The following CDCA5 variants were observed in gnomAD, a reference collection of about 807,000 sequenced individuals.
The protein encoded by CDCA5 is cell division cycle associated 5.
In CDCA5, 14 loss-of-function variants were observed where a neutral mutation model predicts 25.7. That is an observed-to-expected ratio of 0.54 (90% CI 0.36 to 0.85). The LOEUF is 0.85. CDCA5 is among the 40% of genes least tolerant of loss of function. The pLI is 0.01. For synonymous variants in CDCA5, 127 were observed against 128.7 expected, an observed-to-expected ratio of 0.99 and a Z score of 0.09; for missense variants, 307 against 324.5, an observed-to-expected ratio of 0.95 and a Z score of 0.41.
Position 65,070,999 on chromosome 11 carries a change from T to G in CDCA5, c.64-2398A>C, listed in dbSNP as rs113600019. Among the ~76,000 whole-genome samples, 1,443 of 150,714 alleles carry G rather than the reference T, an allele frequency of 9.6e-3. 25 individuals carry two copies. The highest frequency in any genetic ancestry group is 0.032 in the African/African-American group (1,327 of 40,930). ...CTCTGTTGCCCAGGCTGGAGTGCAG[T>G]GGTGCAATCTTGGCTCACTGCAAGC... On this transcript the variant is annotated intron_variant, in intron 1 of 6. Transcript: ENST00000525464.
In CDCA5 at chr11:65,079,041, C is replaced by A. The variant is rs779222711; in HGVS notation, c.*66G>T. On this transcript the variant is annotated 3_prime_UTR_variant, in exon 6 of 6. Transcript: ENST00000275517. ...GGGGAGGGGACCCTAAGTGTCCTCT[C>A]CACAGGGAGGTGGCTATGTACAGGA... 8.3e-5 allele frequency: 120 copies of A among 1,447,776 alleles called. No homozygotes were observed. The highest frequency in any genetic ancestry group is 1.0e-4 in the Non-Finnish European group (110 of 1,099,672). The allele number at this position is 1,447,776 out of a possible 1,614,324, so 89.7% of individuals were successfully genotyped here.
exon 6 of CDCA5, chr11:65,066,596 G>A (rs1255456034): frequency 2.3e-6 from 3 of 1,289,288 alleles, no homozygotes; most frequent in Non-Finnish European, 3.0e-6. Flanking sequence ...CCTCCTGCAG[G>A]GCCTTCACTT....
intron 4 of CDCA5, among the ~76,000 whole-genome samples, chr11:65,082,459 C>CTTTT (rs35061489): frequency 4.9e-5 from 5 of 103,060 alleles, no homozygotes; most frequent in Non-Finnish European, 6.1e-5. Context: ...ACCTACTTGT[C>CTTTT]TTTTTTTTTT....
At chr11:65,070,323 T>G (rs1947316337) in intron 1 of CDCA5, among the ~76,000 whole-genome samples, 1 of 152,166 alleles carries the variant, frequency 6.6e-6, no homozygotes, top group Non-Finnish European at 1.5e-5. Flanking sequence ...GTCTAAACTC[T>G]GTTAATCCTG....
At chr11:65,063,655 C>G (rs1947205895), downstream of CDCA5, among the ~76,000 whole-genome samples, 2 of 152,202 alleles carry the variant, frequency 1.3e-5, no homozygotes, top group Non-Finnish European at 2.9e-5. Flanking sequence ...AGAGAGGCAT[C>G]CCATTCTGCC....
downstream of CDCA5, among the ~76,000 whole-genome samples, chr11:65,074,362 C>T (rs1343346737): frequency 5.3e-5 from 8 of 152,144 alleles, no homozygotes; most frequent in East Asian, 1.9e-4. Flanking sequence ...TGTGAGCCAC[C>T]GCGCCTGGCC....
chr11:65,068,618 C>A (rs1199710726), intron 1 of CDCA5: 1 of 1,266,124 alleles, frequency 7.9e-7, no homozygotes, highest in Admixed American at 2.3e-5. Context: ...GAGACAGAAG[C>A]CTGCTAGTCA....
Position 65,079,357 on chromosome 11 carries a change from A to G in CDCA5, c.674T>C (p.Ile225Thr). 1 of 1,613,754 alleles carries G rather than the reference A, an allele frequency of 6.2e-7. No homozygotes were observed. Among genetic ancestry groups the G allele is most frequent in the Non-Finnish European group, 8.5e-7 (1 of 1,179,952 alleles). The change falls in exon 5 of 6, where the codon ATC (isoleucine) becomes ACC (threonine). Residue 225 changes from isoleucine to threonine, a missense_variant. Ile to Thr is a moderately conservative substitution (Grantham distance 89). Coordinates refer to ENST00000275517, the MANE Select transcript of CDCA5 (RefSeq NM_080668.4). Reference sequence around the variant, plus strand: ...AAACCCCTGCCTCTCACTCACCAAGATCTCTGGCATTTTCTTCTTCTTACG... The same window carrying G: ...AAACCCCTGCCTCTCACTCACCAAGGTCTCTGGCATTTTCTTCTTCTTACG... ...QKRKKKKMPE[I>T]LKTELDEWAA...
downstream of CDCA5, chr11:65,077,419 T>C: frequency 5.1e-6 from 5 of 983,194 alleles, no homozygotes; most frequent in South Asian, 9.4e-5. Context: ...TACCTTCGGC[T>C]CTGCCTTTGA....
intron 4 of CDCA5, chr11:65,067,578 G>T: frequency 1.1e-6 from 1 of 892,396 alleles, no homozygotes; most frequent in Non-Finnish European, 1.6e-6. Context: ...CGTGGGCCCT[G>T]ACCTGAAAGC....
intron 6 of CDCA5, chr11:65,066,477 C>T (rs1186642623): frequency 7.8e-7 from 1 of 1,288,188 alleles, no homozygotes. Flanking sequence ...TGGGTCACTG[C>T]AGGCAGAGAC....
intron 5 of CDCA5, 45 bp downstream of exon 5, chr11:65,079,304 CACGT>C: frequency 6.2e-6 from 10 of 1,613,438 alleles, no homozygotes; most frequent in Non-Finnish European, 7.6e-6. Context: ...CCCAGCCCTG[CACGT>C]CTCCCAGAGC....
downstream of CDCA5, among the ~76,000 whole-genome samples, chr11:65,073,951 G>A (rs762526492): frequency 1.6e-4 from 25 of 152,252 alleles, no homozygotes; most frequent in East Asian, 1.9e-3. Context: ...CCTGGTTGCC[G>A]GGATCAGGGA....
intron 4 of CDCA5, chr11:65,083,122 C>T (rs1201941813): frequency 8.8e-6 from 5 of 570,678 alleles, no homozygotes; most frequent in African/African-American, 3.8e-5. Flanking sequence ...GGAGTTAAGA[C>T]ATAGCTCAGC....
intron 4 of CDCA5, among the ~76,000 whole-genome samples, chr11:65,081,065 C>G (rs1947554867): frequency 6.6e-6 from 1 of 152,136 alleles, no homozygotes; most frequent in South Asian, 2.1e-4. Flanking sequence ...TAGTCAGGGT[C>G]AAACAACAAG....
At position 65,078,959 on chromosome 11, in the gene CDCA5, C is replaced by G; in HGVS notation, c.*148G>C. 1 of 1,272,394 alleles carries G rather than the reference C, an allele frequency of 7.9e-7. No individual in the cohort carries two copies. Among genetic ancestry groups the G allele is most frequent in the Non-Finnish European group, 9.9e-7 (1 of 1,011,152 alleles). 78.8% of individuals were successfully genotyped at this position (1,272,394 alleles called of 1,614,324 possible). On this transcript the variant is annotated 3_prime_UTR_variant, in exon 6 of 6. Coordinates refer to ENST00000275517, the MANE Select transcript of CDCA5 (RefSeq NM_080668.4). ...GATGGCTGCCGCTGCTGCCCAAGCC[C>G]TCAAAGGCAGACAGTCCTCATGCGC...
chr11:65,079,017 G>T lies in CDCA5; in HGVS notation c.*90C>A. 1 of 1,383,172 alleles carries T rather than the reference G, an allele frequency of 7.2e-7. No individual in the cohort carries two copies. Among genetic ancestry groups the T allele is most frequent in the East Asian group, 2.6e-5 (1 of 39,176 alleles). The allele number at this position is 1,383,172 out of a possible 1,614,324, so 85.7% of individuals were successfully genotyped here. A position where few individuals can be genotyped will look rare whatever the true frequency, so the allele number is the denominator to read the frequency against. On this transcript the variant is annotated 3_prime_UTR_variant, in exon 6 of 6. Transcript: ENST00000275517. ...GCACACACACAGGTAACAAGACCAG[G>T]GGAGGGGACCCTAAGTGTCCTCTCC...
chr11:65,082,089 CCCT>C (rs1554989920), intron 4 of CDCA5, among the ~76,000 whole-genome samples: 2 of 152,240 alleles, frequency 1.3e-5, no homozygotes, highest in Non-Finnish European at 2.9e-5. Context: ...TTAGCTCACG[CCCT>C]TGGCTTCATG....
At chr11:65,073,507 C>G (rs530529516), downstream of CDCA5, among the ~76,000 whole-genome samples, 5 of 152,174 alleles carry the variant, frequency 3.3e-5, no homozygotes, top group African/African-American at 9.6e-5. Flanking sequence ...CCCCAGGTGA[C>G]GCAGGAGTGG....
Sources: allele counts gnomAD v4.1 joint callset (sites outside exome capture counted in the v4.1 genomes callset), GRCh38; gene constraint gnomAD v4.1.1; transcripts MANE v1.5; gene names NCBI Gene and HGNC (gene_info 2026-07-23, HGNC 2026-07-21).